Variants in OPHN1 observed in about 807,000 individuals in gnomAD.
OPHN1 encodes the protein oligophrenin 1, also known as oligophrenin-1.
Under a neutral mutation model 60.7 loss-of-function variants are expected in OPHN1, and 11 were observed. The observed-to-expected ratio is 0.18, with a 90% CI of 0.11 to 0.30. The LOEUF (loss-of-function observed/expected upper bound fraction) is 0.30. Among genes scored for constraint, OPHN1 ranks in the 10% least tolerant of loss-of-function variants. OPHN1 has a pLI of 1.00. For missense variants in OPHN1, 449 were observed against 611.0 expected (o/e 0.73, Z 2.80); for synonymous variants, 226 against 222.6 (o/e 1.02, Z -0.14).
In OPHN1 at chrX:68,337,362, C is replaced by T. The variant is rs944498690; in HGVS notation, c.155-38266G>A. On this transcript the variant is annotated intron_variant, in intron 2 of 24. Transcript: ENST00000355520. ...GATAAAATATGTATAACAATAACAG[C>T]ACCGAATGCAAAATAAAGCAGTTAA... Among the ~76,000 whole-genome samples, 3 of 111,315 alleles carry T rather than the reference C, an allele frequency of 2.7e-5. No individual in the cohort carries two copies. The East Asian group carries it at 8.4e-4, about 31-fold the overall frequency.
chrX:68,155,787 T>A (rs909698554), intron 15 of OPHN1, among the ~76,000 whole-genome samples: 1 of 111,972 alleles, frequency 8.9e-6, no homozygotes, highest in Non-Finnish European at 1.9e-5. Flanking sequence ...GCTTACAAAA[T>A]GTGAAGACTG....
chrX:68,328,501 G>A (rs1263917810), intron 2 of OPHN1, among the ~76,000 whole-genome samples: 1 of 112,051 alleles, frequency 8.9e-6, no homozygotes, highest in Non-Finnish European at 1.9e-5. Flanking sequence ...TCTTAAATAA[G>A]ATGCAAAAAG....
intron 5 of OPHN1, among the ~76,000 whole-genome samples, chrX:68,254,462 T>G (rs759742500): frequency 9.0e-6 from 1 of 111,439 alleles, no homozygotes; most frequent in African/African-American, 3.3e-5. Flanking sequence ...TGACAGTCAC[T>G]GTTCATTGCC....
intron 15 of OPHN1, among the ~76,000 whole-genome samples, chrX:68,170,682 CA>C (rs1411711140): frequency 1.9e-5 from 2 of 103,405 alleles, no homozygotes; most frequent in Non-Finnish European, 3.9e-5. Context: ...ATCGCAAGAA[CA>C]AAAAAACCAA....
chrX:68,315,630 A>G (rs1569277427), intron 2 of OPHN1, among the ~76,000 whole-genome samples: 1 of 111,812 alleles, frequency 8.9e-6, no homozygotes, highest in African/African-American at 3.2e-5. Context: ...AATTATCTCT[A>G]TTTGCCAATG....
chrX:68,266,575 T>G (rs1011380737), intron 5 of OPHN1, among the ~76,000 whole-genome samples: 1 of 111,555 alleles, frequency 9.0e-6, no homozygotes, highest in Non-Finnish European at 1.9e-5. Flanking sequence ...TGCAAAAACA[T>G]GCCAAATTGT....
At chrX:68,226,327 C>T in intron 6 of OPHN1, among the ~76,000 whole-genome samples, 1 of 111,523 alleles carries the variant, frequency 9.0e-6, no homozygotes, top group Non-Finnish European at 1.9e-5. Flanking sequence ...TCCAGGAGAA[C>T]TTCCCCAATC....
At chrX:68,291,821 C>A (rs1281493605) in intron 3 of OPHN1, among the ~76,000 whole-genome samples, 2 of 111,057 alleles carry the variant, frequency 1.8e-5, no homozygotes, top group Non-Finnish European at 3.8e-5. Flanking sequence ...CCCCAATTTT[C>A]TTCCATTTCT....
intron 2 of OPHN1, among the ~76,000 whole-genome samples, chrX:68,305,205 C>A (rs747407851): frequency 2.7e-5 from 3 of 110,824 alleles, no homozygotes; most frequent in African/African-American, 9.8e-5. Context: ...ATAGTGAGAA[C>A]CCCATCTCTA....
chrX:68,177,703 G>C (rs1404927223), intron 15 of OPHN1, among the ~76,000 whole-genome samples: 1 of 110,430 alleles, frequency 9.1e-6, no homozygotes, highest in African/African-American at 3.3e-5. Context: ...GAGAGAGAGT[G>C]GGGAGGTGCT....
chrX:68,055,869 C>T (rs770105420), intron 21 of OPHN1, among the ~76,000 whole-genome samples: 9 of 111,114 alleles, frequency 8.1e-5, no homozygotes, highest in African/African-American at 2.6e-4. Flanking sequence ...AACCAAACAC[C>T]GCACGTTCTC....
At chrX:68,356,845 T>C (rs1432494884) in intron 2 of OPHN1, among the ~76,000 whole-genome samples, 1 of 111,573 alleles carries the variant, frequency 9.0e-6, no homozygotes, top group African/African-American at 3.3e-5. Context: ...GGGATGAACC[T>C]GGTAAACATT....
intron 15 of OPHN1, among the ~76,000 whole-genome samples, chrX:68,157,018 T>A (rs938135073): frequency 1.8e-5 from 2 of 111,861 alleles, no homozygotes; most frequent in African/African-American, 3.2e-5. Context: ...AAGGTAAAAA[T>A]TATGCCTTGA....
intron 2 of OPHN1, among the ~76,000 whole-genome samples, chrX:68,346,740 A>G (rs1214213056): frequency 8.9e-6 from 1 of 112,222 alleles, no homozygotes; most frequent in Non-Finnish European, 1.9e-5. Flanking sequence ...ATCCCAGGAC[A>G]GACCTCTTTC....
At chrX:68,425,631 C>G (rs2078850119) in intron 2 of OPHN1, among the ~76,000 whole-genome samples, 1 of 104,076 alleles carries the variant, frequency 9.6e-6, no homozygotes, top group Non-Finnish European at 2.0e-5. Flanking sequence ...ACATCTAAAA[C>G]TCTAACTTTA....
At chrX:68,205,818 G>A (rs1276457690) in intron 10 of OPHN1, among the ~76,000 whole-genome samples, 1 of 112,027 alleles carries the variant, frequency 8.9e-6, no homozygotes, top group Non-Finnish European at 1.9e-5. Flanking sequence ...TTTGTAAAGA[G>A]TGCAAATGCT....
At chrX:68,275,863 G>T (rs2077989713) in intron 4 of OPHN1, among the ~76,000 whole-genome samples, 1 of 110,926 alleles carries the variant, frequency 9.0e-6, no homozygotes, top group African/African-American at 3.3e-5. Context: ...TGGGCCTCTT[G>T]TTCTGTGTAT....
At chrX:68,115,168 T>C (rs777882166) in intron 16 of OPHN1, among the ~76,000 whole-genome samples, 1 of 112,488 alleles carries the variant, frequency 8.9e-6, no homozygotes, top group African/African-American at 3.2e-5. Flanking sequence ...TATTTTAAAA[T>C]GAGATATTTC....
In OPHN1 at chrX:68,433,344, GC is replaced by G. The variant is rs2078895547; in HGVS notation, c.-182del. The G allele has an allele frequency of 3.3e-6, 1 of 304,936 alleles. No individual in the cohort carries two copies. Among genetic ancestry groups the G allele is most frequent in the East Asian group, 5.2e-5 (1 of 19,247 alleles). The allele number at this position is 304,936 out of a possible 1,213,427, so 25.1% of individuals were successfully genotyped here. A position where few individuals can be genotyped will look rare whatever the true frequency, so the allele number is the denominator to read the frequency against. ...TCCCAGATAAGCAGCAAAAACCGCA[GC>G]CCGACTTGCCTCCGGAGACGGGCCG... On this transcript the variant is annotated 5_prime_UTR_variant, in exon 1 of 25. Coordinates refer to ENST00000355520, the MANE Select transcript of OPHN1 (RefSeq NM_002547.3).
Sources: gnomAD v4.1 joint callset for allele counts (sites outside exome capture counted in the v4.1 genomes callset) on GRCh38, gnomAD v4.1.1 for gene constraint, MANE v1.5 for transcripts, NCBI Gene and HGNC (gene_info 2026-07-23, HGNC 2026-07-21) for gene names.